IL17B: variants seen among roughly 807,000 people sequenced by gnomAD.
IL17B encodes interleukin-17B.
A neutral mutation model predicts 14.7 loss-of-function variants in IL17B; 14 were observed. That is an observed-to-expected ratio of 0.95 (90% CI 0.63 to 1.49). The LOEUF (loss-of-function observed/expected upper bound fraction) is 1.49. Among genes scored for constraint, IL17B ranks in the 40% most tolerant of loss-of-function variants. The probability of loss-of-function intolerance (pLI) is 0.00; values close to 1 mark genes in which losing one functional copy is unlikely to be tolerated. For synonymous variants in IL17B, 105 were observed against 94.8 expected (o/e 1.11, Z -0.62); for missense variants, 233 against 252.8 (o/e 0.92, Z 0.53).
chr5:149,397,407 G>A (rs906401785), intron 1 of IL17B, among the ~76,000 whole-genome samples: 5 of 152,278 alleles, frequency 3.3e-5, no homozygotes, highest in Admixed American at 3.3e-4. Context: ...GACCTCAGGT[G>A]ATCCACCCGC....
Position 149,374,923 on chromosome 5 carries a change from CAT to C in IL17B, c.312-325_312-324del, listed in dbSNP as rs1458330591. The stretch of plus-strand genomic sequence containing the variant: ...GTAGCCCTCTACCACCTAGGGCCCT[CAT>C]GTGTTTCCTTTATTTGAGACAGGGT... On this transcript the variant is annotated intron_variant, in intron 2 of 2. Transcript: ENST00000261796. The surrounding 1 kb of genome is among the most constrained non-coding windows in gnomAD (Gnocchi z 5.0). The C allele has an allele frequency of 1.2e-5, 3 of 244,528 alleles. No homozygotes were observed. The highest frequency in any genetic ancestry group is 2.4e-5 in the Non-Finnish European group (3 of 126,722). The allele number at this position is 244,528 out of a possible 1,614,324, so 15.1% of individuals were successfully genotyped here.
chr5:149,377,924 A>T (rs1367355517), intron 1 of IL17B, among the ~76,000 whole-genome samples: 1 of 152,176 alleles, frequency 6.6e-6, no homozygotes, highest in African/African-American at 2.4e-5. Flanking sequence ...CGGGCAGATC[A>T]CAAAGTCAGG....
intron 1 of IL17B, among the ~76,000 whole-genome samples, chr5:149,397,597 T>A (rs1225429335): frequency 6.6e-6 from 1 of 152,226 alleles, no homozygotes; most frequent in African/African-American, 2.4e-5. Context: ...AGAAATGCTA[T>A]TCTGTTTCCC....
At chr5:149,400,160 A>G (rs1289164579) in intron 1 of IL17B, among the ~76,000 whole-genome samples, 13 of 152,190 alleles carry the variant, frequency 8.5e-5, no homozygotes. Context: ...TAATTAGTTA[A>G]TATGAGGTCA....
chr5:149,376,651 T>C (rs1581383025), intron 2 of IL17B, 85 bp downstream of exon 2: 1 of 1,502,318 alleles, frequency 6.7e-7, no homozygotes, highest in Non-Finnish European at 8.9e-7. Flanking sequence ...GACCTCTGAA[T>C]CTGAGATCTT....
intron 1 of IL17B, among the ~76,000 whole-genome samples, chr5:149,393,971 A>C (rs1480316367): frequency 6.6e-6 from 1 of 152,256 alleles, no homozygotes; most frequent in Non-Finnish European, 1.5e-5. Context: ...AAAAATCAAA[A>C]TCCTGAAAAT....
In IL17B at chr5:149,402,875, T is replaced by C. The variant is rs565414501; in HGVS notation, n.95+1233A>G. ...AAAATTAGCCAGGCGTGGTGGCACA[T>C]ACCTGTAGTCCCAGCTACTTGGGAG... On this transcript the variant is annotated intron_variant and non_coding_transcript_variant, in intron 1 of 2. Coordinates refer to the IL17B transcript ENST00000505432. Among the ~76,000 whole-genome samples the C allele has an allele frequency of 2.8e-4, 43 of 151,190 alleles. No homozygotes were observed. In the East Asian group the frequency reaches 7.7e-3, roughly 27 times the overall value.
upstream of IL17B, among the ~76,000 whole-genome samples, chr5:149,380,724 G>A (rs1458843473): frequency 5.3e-5 from 8 of 152,226 alleles, no homozygotes; most frequent in South Asian, 6.2e-4. Flanking sequence ...CGGCCCTGTC[G>A]TGCTGAGGGC....
At chr5:149,378,750 A>C (rs976231326) in intron 1 of IL17B, among the ~76,000 whole-genome samples, 3 of 152,212 alleles carry the variant, frequency 2.0e-5, no homozygotes, top group African/African-American at 7.2e-5. Flanking sequence ...TCTCCCTAAC[A>C]ATAGGCTCTC....
intron 1 of IL17B, among the ~76,000 whole-genome samples, chr5:149,392,099 G>T (rs993571766): frequency 2.0e-5 from 3 of 152,214 alleles, no homozygotes; most frequent in Admixed American, 1.3e-4. Context: ...TGGGTAACGG[G>T]ATAGAGTAAT....
chr5:149,399,843 G>A (rs1360457797), intron 1 of IL17B, among the ~76,000 whole-genome samples: 1 of 152,208 alleles, frequency 6.6e-6, no homozygotes, highest in Non-Finnish European at 1.5e-5. Flanking sequence ...GGCAGACAGA[G>A]GATGTTGGAT....
chr5:149,397,891 TCA>T (rs1759122701), intron 1 of IL17B, among the ~76,000 whole-genome samples: 1 of 152,164 alleles, frequency 6.6e-6, no homozygotes, highest in South Asian at 2.1e-4. Flanking sequence ...GTCCCAGCTC[TCA>T]GAGAGAGACC....
chr5:149,397,265 G>T (rs1013073996), intron 1 of IL17B, among the ~76,000 whole-genome samples: 1 of 152,114 alleles, frequency 6.6e-6, no homozygotes, highest in African/African-American at 2.4e-5. Flanking sequence ...TACCCCTTGG[G>T]TTCAAGCGAT....
At position 149,398,688 on chromosome 5, in the gene IL17B, T is replaced by G. The variant is rs572177682; in HGVS notation, n.95+5420A>C. 3.3e-5 allele frequency among the ~76,000 whole-genome samples: 5 copies of G among 152,288 alleles called. No homozygotes were observed. In the East Asian group the frequency reaches 7.7e-4, roughly 24 times the overall value. On this transcript the variant is annotated intron_variant and non_coding_transcript_variant, in intron 1 of 2. Transcript: ENST00000505432. Reference sequence around the variant, plus strand: ...TTGGGAGGTGGAGGTGGGCAGATCATCTGAGGTCAGGAGTTCGAGACCAGC... The same window carrying G: ...TTGGGAGGTGGAGGTGGGCAGATCAGCTGAGGTCAGGAGTTCGAGACCAGC...
chr5:149,379,421 G>T, upstream of IL17B: 1 of 633,654 alleles, frequency 1.6e-6, no homozygotes, highest in East Asian at 2.7e-5. Flanking sequence ...GTGGCAGGCG[G>T]TGAGGGGCGT....
At chr5:149,379,390 C>T, upstream of IL17B, 1 of 777,682 alleles carries the variant, frequency 1.3e-6, no homozygotes, top group Non-Finnish European at 2.1e-6. Flanking sequence ...CTTGGGCCCC[C>T]AGCTGGCTGA....
intron 1 of IL17B, among the ~76,000 whole-genome samples, chr5:149,399,725 C>T (rs892573951): frequency 5.3e-5 from 8 of 152,088 alleles, no homozygotes; most frequent in African/African-American, 9.7e-5. Flanking sequence ...CCGGGACTCC[C>T]GCAGTCCTCA....
upstream of IL17B, among the ~76,000 whole-genome samples, chr5:149,383,892 C>T (rs775330787): frequency 1.3e-5 from 2 of 152,178 alleles, no homozygotes; most frequent in Non-Finnish European, 2.9e-5. Flanking sequence ...GAGACTGGGT[C>T]GCCTAGGCCT....
At chr5:149,382,419 C>T (rs1758722270), upstream of IL17B, among the ~76,000 whole-genome samples, 1 of 152,212 alleles carries the variant, frequency 6.6e-6, no homozygotes, top group South Asian at 2.1e-4. Flanking sequence ...CACCTGGACA[C>T]CTTAATTCAC....
Sources: allele counts gnomAD v4.1 joint callset (sites outside exome capture counted in the v4.1 genomes callset), GRCh38; gene constraint gnomAD v4.1.1; non-coding constraint Gnocchi (gnomAD v3.1); transcripts MANE v1.5; gene names NCBI Gene and HGNC (gene_info 2026-07-23, HGNC 2026-07-21).